ZNRF3: variants seen among roughly 807,000 people sequenced by gnomAD.
The protein encoded by ZNRF3 is zinc and ring finger 3, also known as E3 ubiquitin-protein ligase ZNRF3.
In ZNRF3, 23 loss-of-function variants were observed where a neutral mutation model predicts 72.5. That is an observed-to-expected ratio of 0.32 (90% CI 0.23 to 0.45). ZNRF3 has a LOEUF of 0.45. Among genes scored for constraint, ZNRF3 ranks in the 20% least tolerant of loss-of-function variants. The probability of loss-of-function intolerance (pLI) is 1.00; values close to 1 mark genes in which losing one functional copy is unlikely to be tolerated. For synonymous variants in ZNRF3, 610 were observed against 545.3 expected (o/e 1.12, Z -1.65); for missense variants, 1,169 against 1,272.1 (o/e 0.92, Z 1.23).
intron 2 of ZNRF3, among the ~76,000 whole-genome samples, chr22:29,014,673 G>A (rs1222833332): frequency 6.6e-6 from 1 of 152,240 alleles, no homozygotes; most frequent in East Asian, 1.9e-4. Flanking sequence ...CCCAGGCAGT[G>A]TGCTAGACGC....
intron 1 of ZNRF3, among the ~76,000 whole-genome samples, chr22:28,934,385 GA>G (rs1387573643): frequency 6.6e-6 from 1 of 152,144 alleles, no homozygotes; most frequent in Admixed American, 6.5e-5. Flanking sequence ...AACTCTCTTG[GA>G]CTTAAATTTT....
chr22:28,961,839 G>T (rs1022571422), intron 1 of ZNRF3, among the ~76,000 whole-genome samples: 4 of 152,174 alleles, frequency 2.6e-5, no homozygotes, highest in Non-Finnish European at 5.9e-5. Flanking sequence ...GACCCCAAAA[G>T]ACCTTCCTTG....
intron 1 of ZNRF3, among the ~76,000 whole-genome samples, chr22:28,926,789 C>G (rs2034610409): frequency 7.1e-6 from 1 of 139,922 alleles, no homozygotes; most frequent in African/African-American, 2.7e-5. Context: ...ATGAGCGAAA[C>G]TCCATCTCAA....
Position 29,050,813 on chromosome 22 carries a change from C to T in ZNRF3, c.2632C>T (p.Arg878Trp), listed in dbSNP as rs201527056. The T allele has an allele frequency of 3.7e-6, 6 of 1,607,504 alleles. No individual in the cohort carries two copies. The highest frequency in any genetic ancestry group is 1.3e-5 in the African/African-American group (1 of 74,834). The change falls in exon 8 of 9, where the codon CGG becomes TGG. Residue 878 changes from arginine (R) to tryptophan (W), a missense_variant. Arg to Trp is a moderately radical substitution (Grantham distance 101). Around this residue, in one of 2 missense-constraint regions of ZNRF3, gnomAD observed 783 missense variants for 731.4 expected, o/e 1.07. Transcript: ENST00000544604. ...CCTGGGAGCAACCCGGGAAGAGGAG[C>T]GGGCTCTGTGCTGCCAGGCTAGGGC... is the stretch of plus-strand genomic sequence containing the variant. The part of the protein sequence containing the change: ...RGLGATREEE[R>W]ALCCQARALL...
At chr22:28,899,332 ATATT>A (rs1186062818) in intron 1 of ZNRF3, among the ~76,000 whole-genome samples, 2 of 152,124 alleles carry the variant, frequency 1.3e-5, no homozygotes, top group Non-Finnish European at 2.9e-5. Flanking sequence ...CATTTAATGA[ATATT>A]TATGTTGAGC....
intron 1 of ZNRF3, among the ~76,000 whole-genome samples, chr22:28,901,232 TC>T (rs2034096752): frequency 6.6e-6 from 1 of 152,156 alleles, no homozygotes; most frequent in South Asian, 2.1e-4. Flanking sequence ...ATACCTGAAT[TC>T]TATTTTCTGC....
intron 1 of ZNRF3, among the ~76,000 whole-genome samples, chr22:28,943,685 A>T (rs1389354224): frequency 3.3e-5 from 5 of 150,846 alleles, no homozygotes; most frequent in Admixed American, 3.3e-4. Context: ...ATGGGGGGGG[A>T]GGGGTGCCAT....
intron 1 of ZNRF3, among the ~76,000 whole-genome samples, chr22:28,934,544 G>A (rs1004497574): frequency 2.6e-5 from 4 of 152,152 alleles, no homozygotes; most frequent in South Asian, 2.1e-4. Flanking sequence ...TAGGTTGGGC[G>A]CGGTGGCTCA....
chr22:29,021,722 A>G (rs1408531567), intron 2 of ZNRF3, among the ~76,000 whole-genome samples: 1 of 151,842 alleles, frequency 6.6e-6, no homozygotes, highest in Non-Finnish European at 1.5e-5. Flanking sequence ...TCCTGACCTC[A>G]AATGACCCAC....
chr22:28,914,450 T>G (rs2034372694), intron 1 of ZNRF3, among the ~76,000 whole-genome samples: 1 of 151,396 alleles, frequency 6.6e-6, no homozygotes, highest in Non-Finnish European at 1.5e-5. Flanking sequence ...GAGTTTAAAT[T>G]CTTCTCCAAA....
chr22:28,966,911 G>C (rs1445459714), intron 1 of ZNRF3, among the ~76,000 whole-genome samples: 1 of 112,954 alleles, frequency 8.9e-6, no homozygotes, highest in African/African-American at 3.5e-5. Context: ...TCGCTCTGTT[G>C]CCCAGGCTGG....
At chr22:28,941,000 CT>C (rs1159537928) in intron 1 of ZNRF3, among the ~76,000 whole-genome samples, 1 of 152,048 alleles carries the variant, frequency 6.6e-6, no homozygotes, top group African/African-American at 2.4e-5. Flanking sequence ...CGTCAGTTCT[CT>C]GGCATGTTTA....
intron 1 of ZNRF3, among the ~76,000 whole-genome samples, chr22:28,895,312 T>G (rs1440763118): frequency 6.6e-6 from 1 of 152,200 alleles, no homozygotes; most frequent in Admixed American, 6.5e-5. Context: ...GGATCTTTGC[T>G]CCTTCTCTCT....
In ZNRF3 at chr22:29,024,284, G is replaced by GTTTTT. The variant is rs59532780; in HGVS notation, c.427-18202_427-18198dup. ...ATAATGACTTTCAAAGGCATTAACT[G>GTTTTT]TTTTTTTTTTTTTGCTTTCAATTTT... On this transcript the variant is annotated intron_variant, in intron 2 of 8. Transcript: ENST00000544604. Among the ~76,000 whole-genome samples, 18 of 127,840 alleles carry GTTTTT rather than the reference G, an allele frequency of 1.4e-4. 3 individuals carry two copies. The highest frequency in any genetic ancestry group is 2.3e-4 in the East Asian group (1 of 4,316). 83.9% of individuals were successfully genotyped at this position (127,840 alleles called of 152,430 possible).
At chr22:29,003,165 C>T (rs988471999) in intron 2 of ZNRF3, among the ~76,000 whole-genome samples, 2 of 152,196 alleles carry the variant, frequency 1.3e-5, no homozygotes, top group Admixed American at 1.3e-4. Flanking sequence ...GAGTTGACTA[C>T]CACACAGAAG....
chr22:28,909,252 C>T (rs547589209), intron 1 of ZNRF3, among the ~76,000 whole-genome samples: 23 of 152,204 alleles, frequency 1.5e-4, no homozygotes, highest in African/African-American at 4.8e-4. Flanking sequence ...TTTTGAGCCA[C>T]TTTTTAGAGC....
At chr22:28,925,242 G>A (rs1205956447) in intron 1 of ZNRF3, among the ~76,000 whole-genome samples, 2 of 152,140 alleles carry the variant, frequency 1.3e-5, no homozygotes, top group African/African-American at 4.8e-5. Context: ...GGGGTCTGAG[G>A]CACTACTCAA....
intron 1 of ZNRF3, among the ~76,000 whole-genome samples, chr22:28,885,301 C>G (rs1176102901): frequency 2.6e-5 from 4 of 152,108 alleles, no homozygotes; most frequent in Non-Finnish European, 5.9e-5. Context: ...AGGAGGTACC[C>G]AGGCCCATGC....
In ZNRF3 at chr22:29,023,013, C is replaced by A. The variant is rs576199190; in HGVS notation, c.427-19482C>A. Among the ~76,000 whole-genome samples the A allele has an allele frequency of 5.3e-5, 8 of 152,240 alleles. No homozygotes were observed. The East Asian group carries it at 1.3e-3, about 26-fold the overall frequency. On this transcript the variant is annotated intron_variant, in intron 2 of 8. Transcript: ENST00000544604. ...TAAGTAATTTCTCATCGTCCACCCC[C>A]CTCCCACCTCCAACAAATTGGTTTT... is the stretch of plus-strand genomic sequence containing the variant.
Sources: gnomAD v4.1 joint callset for allele counts (sites outside exome capture counted in the v4.1 genomes callset) on GRCh38, gnomAD v4.1.1 for gene constraint, gnomAD v4.1.1 regional missense constraint, MANE v1.5 for transcripts, NCBI Gene and HGNC (gene_info 2026-07-23, HGNC 2026-07-21) for gene names.